NRXN3: variants seen among roughly 807,000 people sequenced by gnomAD.
NRXN3 encodes neurexin III.
A neutral mutation model predicts 137.6 loss-of-function variants in NRXN3; 32 were observed. That is an observed-to-expected ratio of 0.23 (90% confidence interval 0.18 to 0.31). NRXN3 has a LOEUF of 0.31. Ranked by LOEUF, NRXN3 falls within the 10% of genes least tolerant of loss-of-function variation. The pLI is 1.00. For missense variants in NRXN3, 1,574 were observed against 2,062.5 expected (o/e 0.76, Z 4.59); for synonymous variants, 798 against 784.5 (o/e 1.02, Z -0.29).
At chr14:78,632,113 C>CAAAAAA (rs58767974) in intron 4 of NRXN3, among the ~76,000 whole-genome samples, 1 of 75,030 alleles carries the variant, frequency 1.3e-5, no homozygotes, top group Non-Finnish European at 2.8e-5. Flanking sequence ...GACTCCGTCT[C>CAAAAAA]AAAAAAAAAA....
At chr14:78,641,805 G>A (rs567194866) in intron 4 of NRXN3, among the ~76,000 whole-genome samples, 41 of 152,234 alleles carry the variant, frequency 2.7e-4, no homozygotes, top group Non-Finnish European at 5.0e-4. Context: ...AATCTTCTTC[G>A]GTATAGTTGC....
At chr14:78,271,723 A>G (rs1253090438) in intron 2 of NRXN3, among the ~76,000 whole-genome samples, 1 of 152,176 alleles carries the variant, frequency 6.6e-6, no homozygotes, top group Non-Finnish European at 1.5e-5. Context: ...TATAGCTGCT[A>G]CTGATGCTCC....
At chr14:79,504,099 C>G (rs1055305210) in intron 16 of NRXN3, among the ~76,000 whole-genome samples, 1 of 152,142 alleles carries the variant, frequency 6.6e-6, no homozygotes, top group Non-Finnish European at 1.5e-5. Context: ...TTACCAGGTA[C>G]CAATCAGTTG....
chr14:79,348,385 T>C (rs2093010868), intron 15 of NRXN3, among the ~76,000 whole-genome samples: 1 of 150,936 alleles, frequency 6.6e-6, no homozygotes, highest in African/African-American at 2.4e-5. Flanking sequence ...TCTCTTTTTT[T>C]TTTTTTTTGA....
At chr14:78,238,139 G>GCCCCCCCCCCCCCCCCCCCCCCCCCC (rs111555461) in intron 1 of NRXN3, among the ~76,000 whole-genome samples, 2 of 145,494 alleles carry the variant, frequency 1.4e-5, no homozygotes, top group African/African-American at 2.6e-5. Context: ...AGTTGTGTGA[G>GCCCCCCCCCCCCCCCCCCCCCCCCCC]CCCCCCCCAC....
intron 15 of NRXN3, among the ~76,000 whole-genome samples, chr14:79,401,218 A>G (rs1047484427): frequency 6.6e-5 from 10 of 152,252 alleles, no homozygotes; most frequent in Non-Finnish European, 1.3e-4. Flanking sequence ...TAGGGAAGGC[A>G]GGAATGATCT....
chr14:79,516,549 T>C (rs886689855), intron 16 of NRXN3, among the ~76,000 whole-genome samples: 1 of 152,242 alleles, frequency 6.6e-6, no homozygotes, highest in Non-Finnish European at 1.5e-5. Flanking sequence ...TTCTAGTTTT[T>C]AAATTCAGTG....
chr14:78,962,107 G>A (rs187604957), intron 11 of NRXN3, among the ~76,000 whole-genome samples: 79 of 152,246 alleles, frequency 5.2e-4, no homozygotes, highest in Non-Finnish European at 1.0e-4. Flanking sequence ...TGAGGAATAA[G>A]TAAAACCTTT....
intron 1 of NRXN3, among the ~76,000 whole-genome samples, chr14:78,236,087 T>A (rs1234778096): frequency 6.6e-6 from 1 of 152,194 alleles, no homozygotes; most frequent in Non-Finnish European, 1.5e-5. Flanking sequence ...TAGATTAACA[T>A]ATATATGTAT....
chr14:79,751,385 TGTATAA>T (rs2154089993), intron 19 of NRXN3, among the ~76,000 whole-genome samples: 1 of 151,508 alleles, frequency 6.6e-6, no homozygotes, highest in Admixed American at 6.6e-5. Flanking sequence ...CTGTTGTTGG[TGTATAA>T]GAATGCTTGT....
At chr14:78,399,764 T>C (rs975166316) in intron 4 of NRXN3, among the ~76,000 whole-genome samples, 1 of 152,186 alleles carries the variant, frequency 6.6e-6, no homozygotes, top group Admixed American at 6.5e-5. Flanking sequence ...GCTGAATCCT[T>C]GGGAAATTCA....
At chr14:79,412,980 A>T (rs894418396) in intron 15 of NRXN3, among the ~76,000 whole-genome samples, 9 of 152,136 alleles carry the variant, frequency 5.9e-5, no homozygotes, top group African/African-American at 2.2e-4. Context: ...GAAAGATGCT[A>T]AAATTAGTCT....
intron 15 of NRXN3, among the ~76,000 whole-genome samples, chr14:79,007,508 C>CA (rs201473355): frequency 0.016 from 2,353 of 145,494 alleles, 53 homozygotes; most frequent in African/African-American, 0.054. Context: ...AACAAACAAA[C>CA]AAAAAAAAAC....
chr14:78,877,217 A>C (rs2152612032), intron 10 of NRXN3, among the ~76,000 whole-genome samples: 1 of 152,332 alleles, frequency 6.6e-6, no homozygotes, highest in African/African-American at 2.4e-5. Context: ...AAATTGAGGA[A>C]GTTATACTCA....
At chr14:79,327,502 C>A (rs535376005) in intron 15 of NRXN3, among the ~76,000 whole-genome samples, 1 of 152,064 alleles carries the variant, frequency 6.6e-6, no homozygotes, top group Non-Finnish European at 1.5e-5. Context: ...AAGGGGAGGG[C>A]CCATTTGAAT....
intron 6 of NRXN3, among the ~76,000 whole-genome samples, chr14:78,706,035 CT>C (rs147212657): frequency 0.018 from 2,700 of 152,128 alleles, 75 homozygotes; most frequent in African/African-American, 0.062. Context: ...TGTTAAAAGG[CT>C]TTTTTTTCCC....
In NRXN3 at chr14:79,528,620, G is replaced by C. The variant is rs530007525; in HGVS notation, c.3444+61218G>C. 1.8e-4 allele frequency among the ~76,000 whole-genome samples: 27 copies of C among 150,606 alleles called. No homozygotes were observed. The South Asian group carries it at 5.0e-3, about 28-fold the overall frequency. On this transcript the variant is annotated intron_variant, in intron 16 of 20. Transcript: ENST00000335750. ...ATTACAGGTAATTTTGATTCTTTTT[G>C]TTTGTTTGTTTAACATTATGTTCTA...
chr14:78,226,706 A>G (rs1173386070), intron 1 of NRXN3, among the ~76,000 whole-genome samples: 1 of 152,182 alleles, frequency 6.6e-6, no homozygotes, highest in Non-Finnish European at 1.5e-5. Flanking sequence ...TAATTTTTTG[A>G]GTCTTGGGTT....
At chr14:78,808,647 C>T (rs947630424) in intron 9 of NRXN3, among the ~76,000 whole-genome samples, 2 of 152,068 alleles carry the variant, frequency 1.3e-5, no homozygotes, top group Non-Finnish European at 2.9e-5. Context: ...TTTTCTGTTG[C>T]GGTTGACGAC....
Sources: allele counts gnomAD v4.1 joint callset (sites outside exome capture counted in the v4.1 genomes callset), GRCh38; gene constraint gnomAD v4.1.1; transcripts MANE v1.5; gene names NCBI Gene and HGNC (gene_info 2026-07-23, HGNC 2026-07-21).